The following AATK variants were observed in gnomAD, a reference collection of about 807,000 sequenced individuals.
AATK encodes lemur tail kinase 1.
AATK carries 91 observed loss-of-function variants against 114.3 expected under a neutral mutation model. The ratio of observed to expected loss-of-function variants is 0.80; its 90% confidence interval spans 0.67 to 0.95. The LOEUF (loss-of-function observed/expected upper bound fraction) is 0.95, where lower values mean the gene tolerates loss of function less well. Among genes scored for constraint, AATK ranks in the 40% least tolerant of loss-of-function variants. The probability of loss-of-function intolerance (pLI) is 0.00; values close to 1 mark genes in which losing one functional copy is unlikely to be tolerated. For synonymous variants in AATK, 1,075 were observed against 916.5 expected (o/e 1.17, Z -3.12); for missense variants, 2,176 against 1,965.2 (o/e 1.11, Z -2.03).
Position 81,118,161 on chromosome 17 carries a change from G to T in AATK, c.*241C>A. On this transcript the variant is annotated 3_prime_UTR_variant, in exon 14 of 14. Coordinates refer to ENST00000326724, the MANE Select transcript of AATK (RefSeq NM_001080395.3). ...CCACTGTGGCTCCAGGCGCCCCCAG[G>T]GGCTAGCAGCAAGCCTAAAAGCCCA... The T allele has an allele frequency of 3.6e-6, 2 of 548,760 alleles. No homozygotes were observed. 34.0% of individuals were successfully genotyped at this position (548,760 alleles called of 1,614,324 possible). A position where few individuals can be genotyped will look rare whatever the true frequency, so the allele number is the denominator to read the frequency against.
chr17:81,149,089 G>A (rs565729615), intron 1 of AATK, among the ~76,000 whole-genome samples: 1 of 152,270 alleles, frequency 6.6e-6, no homozygotes, highest in African/African-American at 2.4e-5. Flanking sequence ...GTGAGCAAAA[G>A]GGATGGCCAT....
chr17:81,142,518 C>T (rs1185262901), intron 1 of AATK, among the ~76,000 whole-genome samples: 3 of 152,192 alleles, frequency 2.0e-5, no homozygotes, highest in Non-Finnish European at 2.9e-5. Flanking sequence ...TCAATCCTCC[C>T]GCCTTGGCCT....
Position 81,119,430 on chromosome 17 carries a change from G to C in AATK, c.4034C>G (p.Ser1345Cys). 2 of 1,530,638 alleles carry C rather than the reference G, an allele frequency of 1.3e-6. No homozygotes were observed. The allele number at this position is 1,530,638 out of a possible 1,614,324, so 94.8% of individuals were successfully genotyped here. Residue 1345 changes from serine (S) to cysteine (C), a missense_variant, in exon 13 of 14, where the codon TCC (serine) becomes TGC (cysteine). Physicochemically the swap from Ser to Cys is moderately radical, Grantham distance 112. This residue lies in a region of AATK where 1,701 missense variants were observed against 1,394.7 expected (regional missense o/e 1.22). Transcript: ENST00000326724. ...AGACACGTGCGTGATGGAGAAGCGG[G>C]ACGTGGGCGCGGGCGACACCGTGAA... is the stretch of plus-strand genomic sequence containing the variant. ...SRFTVSPAPT[S>C]RFSITHVSDS...
chr17:81,152,276 CA>C (rs57541818), intron 1 of AATK, among the ~76,000 whole-genome samples: 1 of 151,456 alleles, frequency 6.6e-6, no homozygotes, highest in Admixed American at 6.6e-5. Context: ...GACTCAGTCT[CA>C]AAAAAAATAA....
rs369359391 is a variant in AATK, at chr17:81,121,921, G to T, written c.2015C>A (p.Ala672Asp). ...GGAGCGCCAGTGCCCGCGCTGGGCG[G>T]CCCTCCGCGCTCCCACCTCCTCTAG... is the stretch of plus-strand genomic sequence containing the variant. Reference protein sequence around the residue: ...DELEEVGARRAAQRGHWRSNV... With the variant: ...DELEEVGARRDAQRGHWRSNV... The change falls in exon 11 of 14, where the codon GCC becomes GAC. Residue 672 changes from alanine to aspartate, a missense_variant. Around this residue, in one of 4 missense-constraint regions of AATK, gnomAD observed 1,701 missense variants for 1,394.7 expected, o/e 1.22. Transcript: ENST00000326724. The T allele has an allele frequency of 3.1e-5, 50 of 1,600,278 alleles. No individual in the cohort carries two copies. Among genetic ancestry groups the T allele is most frequent in the Non-Finnish European group, 5.9e-6 (7 of 1,178,482 alleles).
At chr17:81,128,143 C>CCTCTCT (rs35548893) in intron 4 of AATK, among the ~76,000 whole-genome samples, 2 of 150,802 alleles carry the variant, frequency 1.3e-5, no homozygotes, top group South Asian at 4.2e-4. Context: ...CCCCCGCTGC[C>CCTCTCT]CTCTCTCTCT....
At position 81,128,530 on chromosome 17, in the gene AATK, T is replaced by C. The variant is rs11871062; in HGVS notation, c.354A>G (p.Thr118=). The C allele has an allele frequency of 0.071, 109,887 of 1,549,142 alleles. 4,314 individuals carry two copies. Among genetic ancestry groups the C allele is most frequent in the African/African-American group, 0.13 (9,756 of 73,070 alleles). Residue 118 remains threonine, a synonymous_variant, in exon 4 of 14, where the codon ACA becomes ACG. Transcript: ENST00000326724. ...ACAGGAGGCTGTGCCGGCCCACGTC[T>C]GTGGACTTGAGGAGCTGCACTGTAA... ...PGRSVQLLKS[T]DVGRHSLLYL...
At chr17:81,160,566 C>T (rs906184) in intron 1 of AATK, among the ~76,000 whole-genome samples, 24,528 of 152,294 alleles carry the variant, frequency 0.16, 2,914 homozygotes, top group African/African-American at 0.33. Context: ...GGGGCCCAGA[C>T]GCCAAAGCCC....
At chr17:81,135,329 G>A (rs1437431214) in intron 1 of AATK, among the ~76,000 whole-genome samples, 2 of 152,142 alleles carry the variant, frequency 1.3e-5, no homozygotes, top group African/African-American at 2.4e-5. Flanking sequence ...CAGCCTTGGT[G>A]TCCCCTGGGC....
chr17:81,140,262 C>T (rs1399722432), intron 1 of AATK, among the ~76,000 whole-genome samples: 3 of 152,252 alleles, frequency 2.0e-5, no homozygotes, highest in Admixed American at 2.0e-4. Flanking sequence ...CCTTCACCCC[C>T]ACTTGCTTTT....
At position 81,121,293 on chromosome 17, in the gene AATK, G is replaced by T. The variant is rs761962277; in HGVS notation, c.2643C>A (p.Ala881=). Reference sequence around the variant, plus strand: ...AGGCTGGCACCACATCCGGCCTCCTGGCCTGCAGGCCGTCGCTGGACGTGT... The same window carrying T: ...AGGCTGGCACCACATCCGGCCTCCTTGCCTGCAGGCCGTCGCTGGACGTGT... ...FTDTSSDGLQ[A]RRPDVVPAFR... The change falls in exon 11 of 14, where the codon GCC becomes GCA. Residue 881 remains alanine, a synonymous_variant. Transcript: ENST00000326724. The T allele has an allele frequency of 6.2e-7, 1 of 1,611,852 alleles. No homozygotes were observed. Among genetic ancestry groups the T allele is most frequent in the Non-Finnish European group, 8.5e-7 (1 of 1,179,646 alleles).
chr17:81,160,366 G>A (rs1045451695), intron 1 of AATK: 19 of 547,984 alleles, frequency 3.5e-5, no homozygotes, highest in East Asian at 1.5e-4. Flanking sequence ...CGGTCCCTGC[G>A]GAGGGAGGCT....
chr17:81,129,704 G>A (rs886115262), intron 3 of AATK, among the ~76,000 whole-genome samples: 15 of 152,084 alleles, frequency 9.9e-5, no homozygotes, highest in African/African-American at 2.4e-4. Flanking sequence ...GAGAATCTTC[G>A]GGGGCCAGGC....
At chr17:81,154,474 C>A (rs886353686) in intron 1 of AATK, among the ~76,000 whole-genome samples, 2 of 149,312 alleles carry the variant, frequency 1.3e-5, no homozygotes, top group African/African-American at 4.9e-5. Context: ...GCGCCCACCA[C>A]CATGCCCTGC....
At chr17:81,119,187 G>A (rs1375244124) in intron 13 of AATK, among the ~76,000 whole-genome samples, 193 bp downstream of exon 13, 1 of 131,340 alleles carries the variant, frequency 7.6e-6, no homozygotes, top group Admixed American at 7.6e-5. Context: ...GTGAGGGTCA[G>A]GTGAGGGCCA....
At chr17:81,140,919 GTGGGA>G (rs2061125188) in intron 1 of AATK, among the ~76,000 whole-genome samples, 1 of 93,068 alleles carries the variant, frequency 1.1e-5, no homozygotes, top group Non-Finnish European at 2.4e-5. Flanking sequence ...CCGTGGGGCC[GTGGGA>G]CCGTGGGACC....
chr17:81,143,810 C>G (rs1475725213), intron 1 of AATK, among the ~76,000 whole-genome samples: 7 of 152,242 alleles, frequency 4.6e-5, no homozygotes, highest in African/African-American at 1.7e-4. Flanking sequence ...TTGGGCCCTG[C>G]CTGCCCGGGG....
At chr17:81,163,667 C>T (rs2061451258) in intron 1 of AATK, among the ~76,000 whole-genome samples, 1 of 152,254 alleles carries the variant, frequency 6.6e-6, no homozygotes, top group South Asian at 2.1e-4. Flanking sequence ...GTGCCCCCTG[C>T]CCTGCCCGCA....
chr17:81,120,975 G>A lies in AATK; in HGVS notation c.2961C>T (p.Asn987=), dbSNP rs768765183. Residue 987 remains asparagine, a synonymous_variant, in exon 11 of 14, where the codon AAC becomes AAT. Transcript: ENST00000326724. ...TRLSTSLSGL[N]EKNPYRDSAY... is the part of the protein sequence containing the mutation. ...CAGAGTCTCGGTAGGGATTCTTCTC[G>A]TTGAGGCCACTGAGGGAGGTGGAGA... is the stretch of plus-strand genomic sequence containing the variant. 6.8e-6 allele frequency: 11 copies of A among 1,610,202 alleles called. No individual in the cohort carries two copies. The highest frequency in any genetic ancestry group is 1.3e-5 in the African/African-American group (1 of 74,874).
Sources: allele counts gnomAD v4.1 joint callset (sites outside exome capture counted in the v4.1 genomes callset), GRCh38; gene constraint gnomAD v4.1.1; regional missense constraint gnomAD v4.1.1; transcripts MANE v1.5; gene names NCBI Gene and HGNC (gene_info 2026-07-23, HGNC 2026-07-21).